Variants in CREG2 observed in about 807,000 individuals in gnomAD.
CREG2 encodes cellular repressor of E1A stimulated genes 2, also known as protein CREG2.
Under a neutral mutation model 26.2 loss-of-function variants are expected in CREG2, and 24 were observed. The observed-to-expected ratio is 0.92, with a 90% CI of 0.66 to 1.29. CREG2 has a LOEUF of 1.29. CREG2 is among the 50% of genes most tolerant of loss of function. CREG2 has a pLI of 0.00. For synonymous variants in CREG2, 174 were observed against 169.2 expected (o/e 1.03, Z -0.22); for missense variants, 366 against 398.6 (o/e 0.92, Z 0.70).
At position 101,387,314 on chromosome 2, in the gene CREG2, C is replaced by A; in HGVS notation, c.144G>T (p.Glu48Asp). 6.7e-7 allele frequency: 1 copy of A among 1,495,000 alleles called. No individual in the cohort carries two copies. The highest frequency in any genetic ancestry group is 2.8e-5 in the East Asian group (1 of 35,906). 92.6% of individuals were successfully genotyped at this position (1,495,000 alleles called of 1,614,324 possible). A position where few individuals can be genotyped will look rare whatever the true frequency, so the allele number is the denominator to read the frequency against. The change falls in exon 1 of 4, where the codon GAG becomes GAT. Residue 48 changes from glutamate to aspartate, a missense_variant. Coordinates refer to ENST00000324768, the MANE Select transcript of CREG2 (RefSeq NM_153836.4). This position sits in a 1 kb window ranked among gnomAD's most constrained non-coding sequence, Gnocchi z 4.7. ...CCTCAGTGGAGGCGCTGTCCAGCTC[C>A]TCGTCCACCTCGTTGGTGACGGCCC... ...VSWAVTNEVD[E>D]ELDSASTEEA...
rs1267400151 is a variant in CREG2, at chr2:101,346,757, T to C, written c.*4166A>G. The stretch of plus-strand genomic sequence containing the variant: ...TAAGCTTTTTACTCAGAGATAATTG[T>C]AGATTCTGAGATAGTTGTAGATAAC... On this transcript the variant is annotated 3_prime_UTR_variant, in exon 4 of 4. Transcript: ENST00000324768. The C allele has an allele frequency of 2.0e-5, 3 of 152,294 alleles. No individual in the cohort carries two copies. The highest frequency in any genetic ancestry group is 6.5e-5 in the Admixed American group (1 of 15,300). 9.4% of individuals were successfully genotyped at this position (152,294 alleles called of 1,614,324 possible).
intron 2 of CREG2, among the ~76,000 whole-genome samples, chr2:101,374,303 G>T (rs1202206107): frequency 6.6e-6 from 1 of 152,240 alleles, no homozygotes; most frequent in Non-Finnish European, 1.5e-5. Flanking sequence ...CTTGAATCTG[G>T]GAGGTGGAGG....
At chr2:101,353,706 A>G (rs1001663483) in intron 3 of CREG2, among the ~76,000 whole-genome samples, 5 of 152,242 alleles carry the variant, frequency 3.3e-5, no homozygotes, top group African/African-American at 1.2e-4. Flanking sequence ...AAAGACTTAG[A>G]ACCAATCCAA....
Position 101,348,359 on chromosome 2 carries a change from T to C in CREG2, c.*2564A>G, listed in dbSNP as rs533471474. On this transcript the variant is annotated 3_prime_UTR_variant, in exon 4 of 4. Coordinates refer to ENST00000324768, the MANE Select transcript of CREG2 (RefSeq NM_153836.4). ...ATCCTTGTTGAGATTTTGATAGGAA[T>C]TGCATTAAACCTAGAGATGGAGATG... The C allele has an allele frequency of 2.6e-5, 4 of 152,368 alleles. No individual in the cohort carries two copies. In the South Asian group the frequency reaches 8.3e-4, roughly 32 times the overall value. 9.4% of individuals were successfully genotyped at this position (152,368 alleles called of 1,614,324 possible).
intron 2 of CREG2, among the ~76,000 whole-genome samples, chr2:101,372,019 A>G (rs74659462): frequency 0.012 from 1,775 of 152,262 alleles, 37 homozygotes; most frequent in African/African-American, 0.04. Flanking sequence ...TTTGAAGGCC[A>G]GGTCAGGTTG....
chr2:101,363,235 G>T (rs1191690110), intron 2 of CREG2, among the ~76,000 whole-genome samples: 1 of 152,202 alleles, frequency 6.6e-6, no homozygotes, highest in Non-Finnish European at 1.5e-5. Context: ...TGAATTGGGA[G>T]AATGATCAGT....
At chr2:101,352,910 A>G (rs1684403670) in intron 3 of CREG2, among the ~76,000 whole-genome samples, 1 of 152,218 alleles carries the variant, frequency 6.6e-6, no homozygotes. Flanking sequence ...TGATTACGCC[A>G]CTGCACTCCA....
intron 2 of CREG2, among the ~76,000 whole-genome samples, chr2:101,360,610 CA>C (rs1227982319): frequency 6.6e-6 from 1 of 151,878 alleles, no homozygotes; most frequent in Non-Finnish European, 1.5e-5. Context: ...TGGTGGTGGG[CA>C]GCTGTAATTC....
At chr2:101,372,673 C>T (rs921744958) in intron 2 of CREG2, among the ~76,000 whole-genome samples, 4 of 152,196 alleles carry the variant, frequency 2.6e-5, no homozygotes, top group African/African-American at 9.7e-5. Flanking sequence ...CAGCAGTTTT[C>T]CTGCTTCTTC....
At chr2:101,364,586 G>A (rs553473081) in intron 2 of CREG2, among the ~76,000 whole-genome samples, 9 of 152,342 alleles carry the variant, frequency 5.9e-5, no homozygotes, top group African/African-American at 1.4e-4. Flanking sequence ...GAAGGGGAAC[G>A]TTTAGGTTTG....
intron 1 of CREG2, among the ~76,000 whole-genome samples, chr2:101,384,657 A>T (rs1684936304): frequency 6.6e-6 from 1 of 152,172 alleles, no homozygotes; most frequent in Non-Finnish European, 1.5e-5. Flanking sequence ...ACAGTTCAGG[A>T]TCAGCCTGGG....
chr2:101,370,997 TC>T (rs1684698608), intron 2 of CREG2, among the ~76,000 whole-genome samples: 1 of 152,156 alleles, frequency 6.6e-6, no homozygotes. Flanking sequence ...CGTCTCAGAT[TC>T]CTTCTGAGTT....
intron 2 of CREG2, among the ~76,000 whole-genome samples, chr2:101,365,390 C>T (rs1170183451): frequency 2.0e-5 from 3 of 152,046 alleles, no homozygotes; most frequent in Non-Finnish European, 4.4e-5. Flanking sequence ...GTTGGGGAGG[C>T]GTCTCACCTC....
At chr2:101,377,530 T>G (rs1455109483) in intron 2 of CREG2, among the ~76,000 whole-genome samples, 1 of 152,212 alleles carries the variant, frequency 6.6e-6, no homozygotes, top group Non-Finnish European at 1.5e-5. Flanking sequence ...CAATCAATAT[T>G]GATTGAATTT....
chr2:101,355,430 C>A lies in CREG2; in HGVS notation c.612-64G>T, dbSNP rs549498637. 4 of 1,029,506 alleles carry A rather than the reference C, an allele frequency of 3.9e-6. No homozygotes were observed. The African/African-American group carries it at 6.3e-5, about 16-fold the overall frequency. The allele number at this position is 1,029,506 out of a possible 1,614,324, so 63.8% of individuals were successfully genotyped here. A position where few individuals can be genotyped will look rare whatever the true frequency, so the allele number is the denominator to read the frequency against. Reference sequence around the variant, plus strand: ...ACAGAACATCAGCCAGCAATTCTAACGATTTTATAAACTTAAAAATAGTAG... The same window carrying A: ...ACAGAACATCAGCCAGCAATTCTAAAGATTTTATAAACTTAAAAATAGTAG... On this transcript the variant is annotated intron_variant, in intron 2 of 3. Transcript: ENST00000324768.
At chr2:101,370,742 C>G (rs189836872) in intron 2 of CREG2, among the ~76,000 whole-genome samples, 1 of 152,272 alleles carries the variant, frequency 6.6e-6, no homozygotes, top group East Asian at 1.9e-4. Context: ...TTTAGTCATG[C>G]TGAAGCCCAC....
intron 2 of CREG2, among the ~76,000 whole-genome samples, chr2:101,368,357 A>T (rs1684650775): frequency 6.6e-6 from 1 of 152,144 alleles, no homozygotes; most frequent in Non-Finnish European, 1.5e-5. Flanking sequence ...TAAAGCACGA[A>T]GTCTGTGGCA....
At chr2:101,373,472 C>T (rs1351886634) in intron 2 of CREG2, among the ~76,000 whole-genome samples, 3 of 152,122 alleles carry the variant, frequency 2.0e-5, no homozygotes, top group Non-Finnish European at 4.4e-5. Flanking sequence ...CCCTTATGTC[C>T]ATCTTAACAG....
chr2:101,360,861 G>A (rs572065616), intron 2 of CREG2, among the ~76,000 whole-genome samples: 1 of 152,284 alleles, frequency 6.6e-6, no homozygotes, highest in African/African-American at 2.4e-5. Context: ...TGTAATCTAT[G>A]TAACAAAAGC....
Sources: allele counts gnomAD v4.1 joint callset (sites outside exome capture counted in the v4.1 genomes callset), GRCh38; gene constraint gnomAD v4.1.1; non-coding constraint Gnocchi (gnomAD v3.1); transcripts MANE v1.5; gene names NCBI Gene and HGNC (gene_info 2026-07-23, HGNC 2026-07-21).